The following ADAMTS6 variants were observed in gnomAD, a reference collection of about 807,000 sequenced individuals.
ADAMTS6 encodes the protein A disintegrin and metalloproteinase with thrombospondin motifs 6.
ADAMTS6 carries 23 observed loss-of-function variants against 144.3 expected under a neutral mutation model. The ratio of observed to expected loss-of-function variants is 0.16; its 90% confidence interval spans 0.11 to 0.23. ADAMTS6 has a LOEUF of 0.23. ADAMTS6 is among the 10% of genes least tolerant of loss of function. The pLI is 1.00. For synonymous variants in ADAMTS6, 444 were observed against 457.5 expected (o/e 0.97, Z 0.38); for missense variants, 999 against 1,379.6 (o/e 0.72, Z 4.37).
At chr5:65,285,379 A>G (rs1763283703) in intron 11 of ADAMTS6, among the ~76,000 whole-genome samples, 1 of 151,682 alleles carries the variant, frequency 6.6e-6, no homozygotes, top group Admixed American at 6.6e-5. Flanking sequence ...TCACCAGATA[A>G]CTCTTCTCAC....
In ADAMTS6 at chr5:65,437,026, T is replaced by C. The variant is rs575835361; in HGVS notation, c.1073+14449A>G. On this transcript the variant is annotated intron_variant, in intron 7 of 24. Coordinates refer to ENST00000381055, the MANE Select transcript of ADAMTS6 (RefSeq NM_197941.4). ...CATGGCCGGGGAGGCCTTACAATCA[T>C]AGCAAAAGGTGAAAGACATGTCTCA... Among the ~76,000 whole-genome samples, 9 of 151,672 alleles carry C rather than the reference T, an allele frequency of 5.9e-5. No homozygotes were observed. In the East Asian group the frequency reaches 1.6e-3, roughly 26 times the overall value.
chr5:65,157,246 T>C (rs1579908666), intron 24 of ADAMTS6, among the ~76,000 whole-genome samples: 1 of 152,270 alleles, frequency 6.6e-6, no homozygotes, highest in East Asian at 1.9e-4. Flanking sequence ...TTAACATTGA[T>C]GTGCCAATGA....
At chr5:65,327,675 C>CCAA (rs746293055) in intron 9 of ADAMTS6, among the ~76,000 whole-genome samples, 36 of 152,146 alleles carry the variant, frequency 2.4e-4, no homozygotes, top group Admixed American at 1.2e-3. Context: ...ACCTATAAGG[C>CCAA]CAACAACAAC....
intron 9 of ADAMTS6, among the ~76,000 whole-genome samples, chr5:65,308,289 G>A (rs115487357): frequency 1.8e-4 from 27 of 152,282 alleles, no homozygotes; most frequent in African/African-American, 6.0e-4. Context: ...CCTATGCATT[G>A]TGCTCCATGT....
intron 7 of ADAMTS6, among the ~76,000 whole-genome samples, chr5:65,392,879 A>C (rs1404975484): frequency 1.3e-5 from 2 of 152,186 alleles, no homozygotes; most frequent in Non-Finnish European, 2.9e-5. Flanking sequence ...TGAAATATTA[A>C]AATATTATAT....
At chr5:65,304,226 T>C (rs999412342) in intron 9 of ADAMTS6, among the ~76,000 whole-genome samples, 4 of 152,232 alleles carry the variant, frequency 2.6e-5, no homozygotes, top group African/African-American at 9.6e-5. Flanking sequence ...GATCTGGCAA[T>C]GTCAAATAGT....
chr5:65,448,969 G>T (rs970535855), intron 7 of ADAMTS6, among the ~76,000 whole-genome samples: 1 of 152,062 alleles, frequency 6.6e-6, no homozygotes, highest in Admixed American at 6.5e-5. Context: ...ACACACGTTG[G>T]ATTTCAAAAT....
intron 18 of ADAMTS6, among the ~76,000 whole-genome samples, chr5:65,217,239 G>A (rs1036869856): frequency 6.6e-6 from 1 of 152,098 alleles, no homozygotes; most frequent in African/African-American, 2.4e-5. Flanking sequence ...ACTCTCACTT[G>A]CAGTGGTTTT....
chr5:65,211,974 C>T (rs17813448), intron 20 of ADAMTS6, among the ~76,000 whole-genome samples: 6,330 of 152,208 alleles, frequency 0.042, 197 homozygotes, highest in Middle Eastern at 0.078. Context: ...GATGAAGACA[C>T]GGATTCCACG....
At chr5:65,317,094 C>T (rs1027942804) in intron 9 of ADAMTS6, among the ~76,000 whole-genome samples, 1 of 152,112 alleles carries the variant, frequency 6.6e-6, no homozygotes, top group Admixed American at 6.6e-5. Flanking sequence ...TGAGCCACTG[C>T]GCCTGGCTGA....
intron 14 of ADAMTS6, among the ~76,000 whole-genome samples, chr5:65,257,487 T>G (rs994762124): frequency 6.6e-6 from 1 of 152,192 alleles, no homozygotes; most frequent in Non-Finnish European, 1.5e-5. Flanking sequence ...CTCTTTGGAC[T>G]CCACTGTTAT....
At chr5:65,406,733 C>T (rs1754541130) in intron 7 of ADAMTS6, among the ~76,000 whole-genome samples, 1 of 151,936 alleles carries the variant, frequency 6.6e-6, no homozygotes, top group South Asian at 2.1e-4. Context: ...ACCAGCTCCT[C>T]CTTGTACCTC....
chr5:65,368,216 A>G (rs1046990292), intron 7 of ADAMTS6, among the ~76,000 whole-genome samples: 6 of 152,154 alleles, frequency 3.9e-5, no homozygotes, highest in African/African-American at 9.7e-5. Context: ...TTGTCTCTCT[A>G]CATTTAAGAA....
chr5:65,206,703 A>T (rs1448981235), intron 20 of ADAMTS6, among the ~76,000 whole-genome samples: 2 of 150,316 alleles, frequency 1.3e-5, no homozygotes, highest in Non-Finnish European at 3.0e-5. Flanking sequence ...CCATCTCAAA[A>T]AAAAAAAAAA....
chr5:65,163,998 A>G (rs527709036), intron 24 of ADAMTS6, among the ~76,000 whole-genome samples: 13 of 152,330 alleles, frequency 8.5e-5, no homozygotes, highest in Admixed American at 3.3e-4. Flanking sequence ...GGATTTCCCA[A>G]TGAATAAAAA....
chr5:65,197,243 A>C, intron 20 of ADAMTS6, 92 bp from the exon 21 acceptor site: 1 of 1,334,590 alleles, frequency 7.5e-7, no homozygotes, highest in Non-Finnish European at 1.0e-6. Context: ...AATTGACCTC[A>C]CTGGATCGCT....
chr5:65,475,104 A>G (rs905572693), intron 1 of ADAMTS6, among the ~76,000 whole-genome samples: 6 of 152,152 alleles, frequency 3.9e-5, no homozygotes, highest in Admixed American at 2.0e-4. Context: ...CTTACTATAT[A>G]TTTGTTGGTT....
rs142442342 is a variant in ADAMTS6 at position 65,410,867 on chromosome 5, T to C, written c.1073+40608A>G. 5.5e-3 allele frequency among the ~76,000 whole-genome samples: 839 copies of C among 152,334 alleles called. 5 individuals carry two copies. Among genetic ancestry groups the C allele is most frequent in the African/African-American group, 0.018 (732 of 41,562 alleles). Reference sequence around the variant, plus strand: ...CAGGACTTCCTTTTCTTTTAGGAACTCATTCTGTCACCCAGGCTAGAGGGC... The same window carrying C: ...CAGGACTTCCTTTTCTTTTAGGAACCCATTCTGTCACCCAGGCTAGAGGGC... On this transcript the variant is annotated intron_variant, in intron 7 of 24. Coordinates refer to ENST00000381055, the MANE Select transcript of ADAMTS6 (RefSeq NM_197941.4).
chr5:65,285,710 A>G (rs1763309132), intron 11 of ADAMTS6, among the ~76,000 whole-genome samples: 1 of 152,106 alleles, frequency 6.6e-6, no homozygotes, highest in African/African-American at 2.4e-5. Flanking sequence ...AATGTTAAGG[A>G]AAATGATAGG....
Sources: gnomAD v4.1 joint callset for allele counts (sites outside exome capture counted in the v4.1 genomes callset) on GRCh38, gnomAD v4.1.1 for gene constraint, MANE v1.5 for transcripts, NCBI Gene and HGNC (gene_info 2026-07-23, HGNC 2026-07-21) for gene names.